Variants in XPR1 observed in about 807,000 individuals in gnomAD.
XPR1 encodes the protein solute carrier family 53 member 1.
XPR1 carries 28 observed loss-of-function variants against 87.5 expected under a neutral mutation model. The ratio of observed to expected loss-of-function variants is 0.32; its 90% CI spans 0.24 to 0.44. The LOEUF is 0.44. XPR1 is among the 20% of genes least tolerant of loss of function. XPR1 has a pLI of 1.00. For missense variants in XPR1, 559 were observed against 862.3 expected, an observed-to-expected ratio of 0.65 and a Z score of 4.41; for synonymous variants, 300 against 306.1, an observed-to-expected ratio of 0.98 and a Z score of 0.21.
At chr1:180,656,146 A>G (rs1655459000) in intron 1 of XPR1, among the ~76,000 whole-genome samples, 1 of 150,148 alleles carries the variant, frequency 6.7e-6, no homozygotes, top group Non-Finnish European at 1.5e-5. Flanking sequence ...CTGTATTTCC[A>G]TGAGTTCAAT....
intron 1 of XPR1, among the ~76,000 whole-genome samples, chr1:180,674,196 G>T (rs1656287195): frequency 6.6e-6 from 1 of 152,158 alleles, no homozygotes; most frequent in South Asian, 2.1e-4. Flanking sequence ...ACAGATGAGG[G>T]TGCTAAAGTA....
chr1:180,804,111 G>C (rs1649897153), intron 4 of XPR1, among the ~76,000 whole-genome samples: 1 of 151,848 alleles, frequency 6.6e-6, no homozygotes, highest in African/African-American at 2.4e-5. Flanking sequence ...TCGGCCTCCT[G>C]AGTAGCTGGG....
At chr1:180,739,492 G>A (rs187428594) in intron 2 of XPR1, among the ~76,000 whole-genome samples, 380 of 152,262 alleles carry the variant, frequency 2.5e-3, no homozygotes, top group Non-Finnish European at 4.3e-3. Context: ...AATTAGAACT[G>A]TGTTAAATCT....
At chr1:180,685,973 T>G (rs192073690) in intron 2 of XPR1, among the ~76,000 whole-genome samples, 7,009 of 152,224 alleles carry the variant, frequency 0.046, 560 homozygotes, top group African/African-American at 0.16. Context: ...GGGTTTTTTT[T>G]GTCTCTATTT....
intron 3 of XPR1, among the ~76,000 whole-genome samples, chr1:180,800,330 A>C (rs892005409): frequency 3.9e-5 from 6 of 152,236 alleles, no homozygotes; most frequent in Admixed American, 3.3e-4. Flanking sequence ...AAAAGATTCA[A>C]AGTATGAGAG....
chr1:180,653,493 A>G (rs990136042), intron 1 of XPR1, among the ~76,000 whole-genome samples: 14 of 152,078 alleles, frequency 9.2e-5, no homozygotes, highest in Non-Finnish European at 1.9e-4. Context: ...TAGAATGAGA[A>G]ATACTTGGCA....
At chr1:180,842,310 T>C (rs1651546098) in intron 11 of XPR1, among the ~76,000 whole-genome samples, 1 of 152,176 alleles carries the variant, frequency 6.6e-6, no homozygotes, top group Non-Finnish European at 1.5e-5. Flanking sequence ...CATGTTTTGC[T>C]GCATGATTTG....
intron 2 of XPR1, among the ~76,000 whole-genome samples, chr1:180,714,784 T>C (rs754600825): frequency 2.0e-5 from 3 of 150,936 alleles, no homozygotes; most frequent in Non-Finnish European, 4.4e-5. Context: ...CCTCTTTTTC[T>C]AGTTTTTTTT....
chr1:180,744,789 T>C (rs1004706763), intron 2 of XPR1, among the ~76,000 whole-genome samples: 2 of 151,826 alleles, frequency 1.3e-5, no homozygotes, highest in Admixed American at 1.3e-4. Flanking sequence ...TAGCTGGGAT[T>C]ACAGGCACAT....
chr1:180,657,800 AT>A (rs890816151), intron 1 of XPR1, among the ~76,000 whole-genome samples: 3 of 151,156 alleles, frequency 2.0e-5, no homozygotes, highest in South Asian at 2.1e-4. Flanking sequence ...AAATTTTAGG[AT>A]TTTTTTTCTA....
intron 9 of XPR1, among the ~76,000 whole-genome samples, chr1:180,826,669 C>G (rs1379014864): frequency 6.6e-6 from 1 of 152,168 alleles, no homozygotes; most frequent in Non-Finnish European, 1.5e-5. Context: ...ATTGACCAAT[C>G]TCTATAAAAA....
At chr1:180,877,052 C>G (rs950121185) in intron 13 of XPR1, among the ~76,000 whole-genome samples, 1 of 152,160 alleles carries the variant, frequency 6.6e-6, no homozygotes, top group African/African-American at 2.4e-5. Flanking sequence ...TTTTTAAAAA[C>G]AGTCATAACA....
chr1:180,716,091 G>C (rs945162007), intron 2 of XPR1, among the ~76,000 whole-genome samples: 3 of 152,140 alleles, frequency 2.0e-5, no homozygotes, highest in Admixed American at 2.0e-4. Context: ...ATAGATCCAT[G>C]TATCAGATAA....
At chr1:180,863,977 T>A in intron 12 of XPR1, 103 bp downstream of exon 12, 1 of 910,162 alleles carries the variant, frequency 1.1e-6, no homozygotes. Flanking sequence ...TACTCTAATA[T>A]AATTAGAAAA....
chr1:180,823,607 T>G (rs1315917218), intron 7 of XPR1, among the ~76,000 whole-genome samples: 1 of 152,208 alleles, frequency 6.6e-6, no homozygotes, highest in African/African-American at 2.4e-5. Context: ...GTGATTAGAT[T>G]ATGAAGAATT....
intron 9 of XPR1, among the ~76,000 whole-genome samples, chr1:180,833,605 T>TA (rs1161568904): frequency 6.6e-6 from 1 of 151,984 alleles, no homozygotes; most frequent in East Asian, 1.9e-4. Context: ...TACATAATGG[T>TA]AAAGGGGTGA....
chr1:180,670,329 A>AT (rs1402132433), intron 1 of XPR1, among the ~76,000 whole-genome samples: 6 of 151,648 alleles, frequency 4.0e-5, no homozygotes, highest in Non-Finnish European at 7.4e-5. Context: ...TGTTTAGTTG[A>AT]TTTTTTGTAG....
chr1:180,852,047 C>T (rs1348797982), intron 11 of XPR1, among the ~76,000 whole-genome samples: 2 of 151,052 alleles, frequency 1.3e-5, no homozygotes, highest in African/African-American at 2.4e-5. Context: ...TTAAAACCTC[C>T]TCTTGGAGCT....
At chr1:180,668,088 T>TA (rs1221163035) in intron 1 of XPR1, among the ~76,000 whole-genome samples, 3 of 151,616 alleles carry the variant, frequency 2.0e-5, no homozygotes, top group Non-Finnish European at 4.4e-5. Flanking sequence ...CTATTTTTTT[T>TA]ATTTATCTTT....
Sources: gnomAD v4.1 joint callset for allele counts (sites outside exome capture counted in the v4.1 genomes callset) on GRCh38, gnomAD v4.1.1 for gene constraint, MANE v1.5 for transcripts, NCBI Gene and HGNC (gene_info 2026-07-23, HGNC 2026-07-21) for gene names.